The following UNC13C variants were observed in gnomAD, a reference collection of about 807,000 sequenced individuals.
UNC13C encodes protein unc-13 homolog C.
A neutral mutation model predicts 245.4 loss-of-function variants in UNC13C; 174 were observed. The ratio of observed to expected loss-of-function variants is 0.71; its 90% CI spans 0.63 to 0.80. The LOEUF (loss-of-function observed/expected upper bound fraction) is 0.80. Among genes scored for constraint, UNC13C ranks in the 30% least tolerant of loss-of-function variants. UNC13C has a pLI of 0.00. For missense variants in UNC13C, 2,829 were observed against 2,602.9 expected (o/e 1.09, Z -1.89); for synonymous variants, 992 against 895.1 (o/e 1.11, Z -1.93).
At chr15:53,894,339 T>C in the UNC13C span, among the ~76,000 whole-genome samples, 2 of 152,238 alleles carry the variant, frequency 1.3e-5, no homozygotes, top group Admixed American at 1.3e-4. Flanking sequence ...AATAGTCAGT[T>C]GAATGAATGT....
chr15:54,209,208 T>C (rs925399866), intron 4 of UNC13C, among the ~76,000 whole-genome samples: 4 of 152,022 alleles, frequency 2.6e-5, no homozygotes, highest in African/African-American at 9.7e-5. Context: ...ATGGGGTAAA[T>C]GTCTTAGAAA....
the UNC13C span, among the ~76,000 whole-genome samples, chr15:53,955,532 T>G: frequency 2.0e-5 from 3 of 152,200 alleles, no homozygotes; most frequent in Non-Finnish European, 2.9e-5. Context: ...TACCCTTGGC[T>G]GAAACACAAT....
chr15:54,559,658 A>G (rs1007486510), intron 29 of UNC13C, among the ~76,000 whole-genome samples: 30 of 151,958 alleles, frequency 2.0e-4, no homozygotes, highest in African/African-American at 7.2e-4. Flanking sequence ...GAGGGTGATG[A>G]ATTTTCTCTG....
At chr15:54,062,574 C>T (rs1467884916) in intron 2 of UNC13C, among the ~76,000 whole-genome samples, 1 of 152,146 alleles carries the variant, frequency 6.6e-6, no homozygotes, top group Non-Finnish European at 1.5e-5. Context: ...TGTATAACTT[C>T]TACTTCAGGA....
intron 30 of UNC13C, among the ~76,000 whole-genome samples, chr15:54,610,316 G>C (rs563616069): frequency 5.7e-4 from 87 of 151,952 alleles, no homozygotes; most frequent in African/African-American, 2.1e-3. Context: ...GCTCACTTCA[G>C]CCTCCGCCTT....
At chr15:54,223,962 C>T (rs1419754047) in intron 4 of UNC13C, among the ~76,000 whole-genome samples, 1 of 152,044 alleles carries the variant, frequency 6.6e-6, no homozygotes, top group Non-Finnish European at 1.5e-5. Context: ...TATAAAAATG[C>T]TACTGATTTT....
intron 14 of UNC13C, among the ~76,000 whole-genome samples, chr15:54,323,212 T>C (rs1260018591): frequency 2.0e-5 from 3 of 151,978 alleles, no homozygotes; most frequent in South Asian, 2.1e-4. Context: ...GAAAACCCAA[T>C]AGGGAAAAAG....
At chr15:53,858,549 T>A in the UNC13C span, among the ~76,000 whole-genome samples, 2 of 152,098 alleles carry the variant, frequency 1.3e-5, no homozygotes, top group African/African-American at 4.8e-5. Context: ...GCCTTCTGAC[T>A]AGCTGGGATT....
intron 4 of UNC13C, among the ~76,000 whole-genome samples, chr15:54,227,195 G>C (rs762767601): frequency 3.9e-5 from 6 of 152,138 alleles, no homozygotes; most frequent in Admixed American, 2.6e-4. Flanking sequence ...TTTAAGTCTG[G>C]CTGAGTTCAG....
chr15:54,002,295 G>A (rs1036607406), intron 1 of UNC13C, among the ~76,000 whole-genome samples: 1 of 151,920 alleles, frequency 6.6e-6, no homozygotes, highest in Non-Finnish European at 1.5e-5. Context: ...CAAAAAAAAA[G>A]AAAGAAAAGA....
At chr15:53,891,604 C>T in the UNC13C span, among the ~76,000 whole-genome samples, 4 of 152,078 alleles carry the variant, frequency 2.6e-5, no homozygotes, top group Non-Finnish European at 5.9e-5. Flanking sequence ...ATCCCTTTAC[C>T]ATTATATAAT....
At chr15:54,038,124 A>ATATAAAAATTTTTTTT in intron 2 of UNC13C, among the ~76,000 whole-genome samples, 3 of 45,040 alleles carry the variant, frequency 6.7e-5, no homozygotes, top group African/African-American at 3.2e-4. Context: ...ATATATATAT[A>ATATAAAAATTTTTTTT]TTTTTTTTTT....
intron 23 of UNC13C, among the ~76,000 whole-genome samples, chr15:54,510,208 C>T (rs985504488): frequency 6.6e-6 from 1 of 152,134 alleles, no homozygotes; most frequent in Admixed American, 6.5e-5. Flanking sequence ...TCCTGTTTCT[C>T]ATTATAAGTC....
intron 10 of UNC13C, among the ~76,000 whole-genome samples, chr15:54,274,081 C>A (rs890651867): frequency 5.3e-5 from 8 of 152,034 alleles, no homozygotes; most frequent in Admixed American, 3.9e-4. Flanking sequence ...CCAGAGCTTT[C>A]ATTACAATTG....
chr15:54,214,441 T>C (rs1193959810), intron 4 of UNC13C, among the ~76,000 whole-genome samples: 1 of 151,936 alleles, frequency 6.6e-6, no homozygotes, highest in Admixed American at 6.6e-5. Flanking sequence ...TGAAACTATA[T>C]AAGAGGATGC....
At chr15:54,002,178 C>T (rs1384818263) in intron 1 of UNC13C, among the ~76,000 whole-genome samples, 2 of 151,914 alleles carry the variant, frequency 1.3e-5, no homozygotes, top group Admixed American at 6.6e-5. Context: ...CCCAGCTACT[C>T]GGGAGGCTGA....
At chr15:54,215,978 A>G (rs530921299) in intron 4 of UNC13C, among the ~76,000 whole-genome samples, 3 of 152,120 alleles carry the variant, frequency 2.0e-5, no homozygotes, top group Non-Finnish European at 4.4e-5. Flanking sequence ...GAAAGTGGTT[A>G]TTAGAAAGTC....
the UNC13C span, among the ~76,000 whole-genome samples, chr15:53,929,126 C>G: frequency 2.0e-5 from 3 of 152,144 alleles, no homozygotes; most frequent in African/African-American, 7.2e-5. Context: ...TGGCAGAAGG[C>G]AAAGGAAAGC....
chr15:54,577,134 C>G (rs1419938036), intron 30 of UNC13C, among the ~76,000 whole-genome samples: 1 of 151,690 alleles, frequency 6.6e-6, no homozygotes, highest in African/African-American at 2.4e-5. Context: ...AATTATCATA[C>G]AAGATAAAAG....
Sources: gnomAD v4.1 joint callset for allele counts (sites outside exome capture counted in the v4.1 genomes callset) on GRCh38, gnomAD v4.1.1 for gene constraint, MANE v1.5 for transcripts, NCBI Gene and HGNC (gene_info 2026-07-23, HGNC 2026-07-21) for gene names.